TLR10: variants seen among roughly 807,000 people sequenced by gnomAD.
TLR10 encodes the protein toll-like receptor 10.
For synonymous variants in TLR10, 288 were observed against 338.8 expected, an observed-to-expected ratio of 0.85 and a Z score of 1.65; for missense variants, 929 against 932.9, an observed-to-expected ratio of 1.00 and a Z score of 0.05.
Position 38,774,827 on chromosome 4 carries a change from AGT to A in TLR10, c.762_763del (p.Leu254PhefsTer30). 1 of 1,595,918 alleles carries A rather than the reference AGT, an allele frequency of 6.3e-7. No individual in the cohort carries two copies. The highest frequency in any genetic ancestry group is 8.5e-7 in the Non-Finnish European group (1 of 1,172,550). ...TAAGATAAGGAAAAGGTCGTCCCAG[AGT>A]AAATCAACTTTATTAAGCAATAGAA... On this transcript the variant is annotated frameshift_variant, in exon 4 of 4. Transcript: ENST00000308973. LOFTEE classifies it low-confidence loss of function (END_TRUNC).
intron 1 of TLR10, among the ~76,000 whole-genome samples, chr4:38,780,228 C>G (rs6811076): frequency 6.6e-6 from 1 of 151,584 alleles, no homozygotes; most frequent in Non-Finnish European, 1.5e-5. Context: ...TGGTGAAACC[C>G]TGTCTCTACT....
rs1435386535 is a variant in TLR10 at position 38,774,306 on chromosome 4, A to C, written c.1285T>G (p.Ser429Ala). 1 of 1,612,282 alleles carries C rather than the reference A, an allele frequency of 6.2e-7. No individual in the cohort carries two copies. Among genetic ancestry groups the C allele is most frequent in the African/African-American group, 1.3e-5 (1 of 74,860 alleles). Residue 429 changes from serine to alanine, a missense_variant, in exon 4 of 4, where the codon TCA becomes GCA. Physicochemically the swap from Ser to Ala is moderately conservative, Grantham distance 99. Transcript: ENST00000308973. ...WPETVVNMNL[S>A]YNKLSDSVFR... ...ACAGAATCAGACAATTTATTGTATGACAGATTCATATTGACCACAGTTTCT... is the reference window on the plus strand; with the variant it reads ...ACAGAATCAGACAATTTATTGTATGCCAGATTCATATTGACCACAGTTTCT...
At position 38,774,385 on chromosome 4, in the gene TLR10, C is replaced by G; in HGVS notation, c.1206G>C (p.Leu402Phe). The change falls in exon 4 of 4, where the codon TTG (leucine) becomes TTC (phenylalanine). Residue 402 changes from leucine (L) to phenylalanine (F), a missense_variant. By Grantham distance (22) the Leu-to-Phe change is conservative (BLOSUM62 0). Transcript: ENST00000308973. ...GTTGTAATAGATTTTGACTCAGATC[C>G]AAGTGTTCCAAGGGTGTGTTGTTAG... The part of the protein sequence containing the change: ...CFANNTPLEH[L>F]DLSQNLLQHK... 56 of 1,613,152 alleles carry G rather than the reference C, an allele frequency of 3.5e-5. No individual in the cohort carries two copies. Among genetic ancestry groups the G allele is most frequent in the Non-Finnish European group, 4.7e-5 (56 of 1,179,752 alleles).
chr4:38,777,355 G>A (rs937672013), intron 1 of TLR10, among the ~76,000 whole-genome samples: 9 of 152,220 alleles, frequency 5.9e-5, no homozygotes, highest in African/African-American at 2.2e-4. Context: ...AAAATGTGAG[G>A]AAGACCTGGA....
At chr4:38,782,711 C>G (rs1218130934) in intron 1 of TLR10, among the ~76,000 whole-genome samples, 1 of 150,650 alleles carries the variant, frequency 6.6e-6, no homozygotes, top group Non-Finnish European at 1.5e-5. Context: ...AAGAAACCCA[C>G]GCTCTCAAGC....
rs1236501719 is a variant in TLR10, at chr4:38,773,158, T to C, written c.2433A>G (p.Leu811=). The C allele has an allele frequency of 1.3e-6, 2 of 1,515,536 alleles. No homozygotes were observed. Among genetic ancestry groups the C allele is most frequent in the African/African-American group, 2.8e-5 (2 of 71,698 alleles). The allele number at this position is 1,515,536 out of a possible 1,614,324, so 93.9% of individuals were successfully genotyped here. ...STISLMRTDC[L] The stretch of plus-strand genomic sequence containing the variant: ...ACTTCCCAAGGACTGTGGGATTTTA[T>C]AGACAATCTGTTCTCATCAGAGAGA... Residue 811 remains leucine, a synonymous_variant, in exon 4 of 4, where the codon CTA becomes CTG. Transcript: ENST00000308973.
Position 38,772,991 on chromosome 4 carries a change from G to GAA in TLR10, c.*163_*164insTT. 1.8e-6 allele frequency: 1 copy of GAA among 567,118 alleles called. No individual in the cohort carries two copies. The allele number at this position is 567,118 out of a possible 1,614,324, so 35.1% of individuals were successfully genotyped here. On this transcript the variant is annotated 3_prime_UTR_variant, in exon 4 of 4. Transcript: ENST00000308973. ...CATAAGCCCTTATAAACTTGTGAAG[G>GAA]TGTTTCTATAGGATACATTCTTAGA...
intron 1 of TLR10, among the ~76,000 whole-genome samples, chr4:38,782,119 G>GAC (rs1285428754): frequency 6.6e-6 from 1 of 152,148 alleles, no homozygotes; most frequent in Non-Finnish European, 1.5e-5. Context: ...AATCACTGAG[G>GAC]TTGAATCCAT....
In TLR10 at chr4:38,773,380, G is replaced by A; in HGVS notation, c.2211C>T (p.Cys737=). 6.2e-7 allele frequency: 1 copy of A among 1,613,948 alleles called. No individual in the cohort carries two copies. The highest frequency in any genetic ancestry group is 1.7e-5 in the Admixed American group (1 of 59,992). Residue 737 remains cysteine (C), a synonymous_variant, in exon 4 of 4, where the codon TGC becomes TGT. Transcript: ENST00000308973. ...TCAGTTTATGATACCTGGTGGGAAT[G>A]CAATAGAATGGAATGGGTTCCAGTA... is the stretch of plus-strand genomic sequence containing the variant. ...LILLEPIPFY[C]IPTRYHKLKA...
chr4:38,777,581 A>T (rs1203128022), intron 1 of TLR10, among the ~76,000 whole-genome samples: 5 of 152,230 alleles, frequency 3.3e-5, no homozygotes. Context: ...CCCAGAATCT[A>T]TAAAGAACAT....
At position 38,774,066 on chromosome 4, in the gene TLR10, G is replaced by T; in HGVS notation, c.1525C>A (p.Gln509Lys). The T allele has an allele frequency of 6.2e-7, 1 of 1,612,574 alleles. No individual in the cohort carries two copies. The highest frequency in any genetic ancestry group is 1.1e-5 in the South Asian group (1 of 90,942). Residue 509 changes from glutamine (Q) to lysine (K), a missense_variant, in exon 4 of 4, where the codon CAG (glutamine) becomes AAG (lysine). Physicochemically the swap from Gln to Lys is moderately conservative, Grantham distance 53 (BLOSUM62 1). Transcript: ENST00000308973. ...FILSPSLDFV[Q>K]SCQEVKTLNA... is the part of the protein sequence containing the mutation. Reference sequence around the variant, plus strand: ...AGAGTTTTAACTTCCTGGCAGCTCTGAACAAAATCCAGAGATGGGCTGAGA... The same window carrying T: ...AGAGTTTTAACTTCCTGGCAGCTCTTAACAAAATCCAGAGATGGGCTGAGA...
chr4:38,778,942 TC>T (rs1449839517), intron 1 of TLR10: 5 of 152,152 alleles, frequency 3.3e-5, no homozygotes, highest in Non-Finnish European at 7.3e-5. Flanking sequence ...TGGGGCAGAA[TC>T]AAAACATAAG....
Position 38,773,764 on chromosome 4 carries a change from C to A in TLR10, c.1827G>T (p.Met609Ile). ...GCCATGTTTGTGTGCATTGACCTAGCATCCTGAGATACCAGGGCAGATCAA... is the reference window on the plus strand; with the variant it reads ...GCCATGTTTGTGTGCATTGACCTAGAATCCTGAGATACCAGGGCAGATCAA... ...LHFDLPWYLR[M>I]LGQCTQTWHR... Residue 609 changes from methionine (M) to isoleucine (I), a missense_variant, in exon 4 of 4, where the codon ATG (methionine) becomes ATT (isoleucine). Physicochemically the swap from Met to Ile is conservative, Grantham distance 10. Transcript: ENST00000308973. 6.2e-7 allele frequency: 1 copy of A among 1,611,822 alleles called. No homozygotes were observed. Among genetic ancestry groups the A allele is most frequent in the Non-Finnish European group, 8.5e-7 (1 of 1,179,046 alleles).
chr4:38,778,217 CAT>C (rs989424645), intron 1 of TLR10, among the ~76,000 whole-genome samples: 90 of 152,254 alleles, frequency 5.9e-4, no homozygotes, highest in Admixed American at 5.2e-3. Context: ...CCAAACACCA[CAT>C]GTTCTCACTC....
intron 3 of TLR10, 34 bp downstream of exon 3, chr4:38,775,741 T>C (rs1230011183): frequency 5.5e-6 from 4 of 731,064 alleles, no homozygotes; most frequent in Non-Finnish European, 8.3e-6. Flanking sequence ...AACATCTGAC[T>C]ACATTCATCA....
At chr4:38,781,465 G>A (rs1436846324) in intron 1 of TLR10, among the ~76,000 whole-genome samples, 1 of 152,166 alleles carries the variant, frequency 6.6e-6, no homozygotes, top group Admixed American at 6.5e-5. Context: ...CTCCTGAGTA[G>A]CTGGGATTAC....
rs143987938 is a variant in TLR10, at chr4:38,780,265, G to T, written c.-569+2656C>A. On this transcript the variant is annotated intron_variant, in intron 1 of 3. Transcript: ENST00000308973. The stretch of plus-strand genomic sequence containing the variant: ...AAAAAATACAAAAAATTAGCTGAGC[G>T]TGGTGGCATGTGCCTGTAGTCCCAG... Among the ~76,000 whole-genome samples the T allele has an allele frequency of 5.7e-3, 868 of 152,180 alleles. 6 individuals carry two copies. Among genetic ancestry groups the T allele is most frequent in the African/African-American group, 0.02 (826 of 41,496 alleles).
chr4:38,780,603 T>C (rs1725346280), intron 1 of TLR10, among the ~76,000 whole-genome samples: 1 of 151,976 alleles, frequency 6.6e-6, no homozygotes, highest in African/African-American at 2.4e-5. Context: ...ATGCCTAGCA[T>C]ATCACACTTA....
intron 1 of TLR10, among the ~76,000 whole-genome samples, chr4:38,781,910 G>A: frequency 6.6e-6 from 1 of 152,058 alleles, no homozygotes; most frequent in Non-Finnish European, 1.5e-5. Flanking sequence ...ACAAAATGGC[G>A]GCCATTATTA....
Sources: allele counts gnomAD v4.1 joint callset (sites outside exome capture counted in the v4.1 genomes callset), GRCh38; gene constraint gnomAD v4.1.1; transcripts MANE v1.5; gene names NCBI Gene and HGNC (gene_info 2026-07-23, HGNC 2026-07-21).